REV3L: variants seen among roughly 807,000 people sequenced by gnomAD.
The protein encoded by REV3L is REV3 like, DNA directed polymerase zeta catalytic subunit, also known as DNA polymerase zeta catalytic subunit.
A neutral mutation model predicts 299.4 loss-of-function variants in REV3L; 69 were observed. That is an observed-to-expected ratio of 0.23 (90% CI 0.19 to 0.28). The LOEUF (loss-of-function observed/expected upper bound fraction) is 0.28. REV3L is among the 10% of genes least tolerant of loss of function. REV3L has a pLI of 1.00. For missense variants in REV3L, 3,128 were observed against 3,693.8 expected (o/e 0.85, Z 3.97); for synonymous variants, 1,238 against 1,271.4 (o/e 0.97, Z 0.56).
intron 1 of REV3L, among the ~76,000 whole-genome samples, chr6:111,426,706 G>A (rs1786227758): frequency 6.6e-6 from 1 of 152,164 alleles, no homozygotes; most frequent in Admixed American, 6.5e-5. Flanking sequence ...AATTTAATCT[G>A]CAATTATTGT....
intron 1 of REV3L, among the ~76,000 whole-genome samples, chr6:111,454,988 T>C (rs1583054296): frequency 1.3e-5 from 2 of 152,224 alleles, no homozygotes; most frequent in Non-Finnish European, 1.5e-5. Flanking sequence ...TTTTAATGCA[T>C]GTGTAGGCAA....
chr6:111,333,560 C>T (rs1775602461), intron 22 of REV3L, among the ~76,000 whole-genome samples, 193 bp from the exon 23 acceptor site: 3 of 151,962 alleles, frequency 2.0e-5, no homozygotes, highest in Admixed American at 1.3e-4. Context: ...CTGCAACCTC[C>T]GCCTCCCAGG....
chr6:111,398,053 C>G (rs923035873), intron 4 of REV3L, among the ~76,000 whole-genome samples: 1 of 147,794 alleles, frequency 6.8e-6, no homozygotes, highest in Non-Finnish European at 1.5e-5. Context: ...GACTTCAACA[C>G]CCCACTCTCA....
At chr6:111,469,266 G>A (rs1352184082) in intron 1 of REV3L, among the ~76,000 whole-genome samples, 2 of 152,052 alleles carry the variant, frequency 1.3e-5, no homozygotes, top group Non-Finnish European at 2.9e-5. Flanking sequence ...GCACTTAATG[G>A]GTGCTCAATA....
chr6:111,404,415 TC>T (rs1783408993), intron 4 of REV3L, among the ~76,000 whole-genome samples: 2 of 152,224 alleles, frequency 1.3e-5, no homozygotes, highest in Admixed American at 6.5e-5. Context: ...TAATGTTGGT[TC>T]CCTGCCTGCT....
intron 14 of REV3L, among the ~76,000 whole-genome samples, chr6:111,366,764 GA>G (rs752922591): frequency 6.6e-6 from 1 of 152,128 alleles, no homozygotes; most frequent in African/African-American, 2.4e-5. Context: ...AAGGGGAGGA[GA>G]AAGAGTAGAA....
Position 111,419,310 on chromosome 6 carries a change from G to A in REV3L, c.140-2838C>T, listed in dbSNP as rs560780173. Among the ~76,000 whole-genome samples, 45 of 152,154 alleles carry A rather than the reference G, an allele frequency of 3.0e-4. 1 individual carries two copies. Among genetic ancestry groups the A allele is most frequent in the African/African-American group, 1.1e-3 (44 of 41,504 alleles). On this transcript the variant is annotated intron_variant, in intron 1 of 31. Transcript: ENST00000368802. ...ATATAAGAGAAAATGAAAGAAACAG[G>A]ATAAAATAAAAAACTCAAAAGTTAA...
intron 3 of REV3L, among the ~76,000 whole-genome samples, chr6:111,405,869 T>G (rs1024289500): frequency 6.6e-6 from 1 of 152,142 alleles, no homozygotes; most frequent in African/African-American, 2.4e-5. Flanking sequence ...TTAAACCAAT[T>G]TGATACTAAC....
chr6:111,454,125 T>C (rs1480854910), intron 1 of REV3L, among the ~76,000 whole-genome samples: 1 of 151,412 alleles, frequency 6.6e-6, no homozygotes, highest in Non-Finnish European at 1.5e-5. Flanking sequence ...TTTTTAATAA[T>C]AGAGACAGGG....
At chr6:111,355,336 G>A (rs554072795) in intron 18 of REV3L, among the ~76,000 whole-genome samples, 2 of 152,034 alleles carry the variant, frequency 1.3e-5, no homozygotes, top group Admixed American at 6.6e-5. Flanking sequence ...TACAGATTAG[G>A]AAAACAAAGC....
At chr6:111,439,905 T>C (rs1322291135) in intron 1 of REV3L, among the ~76,000 whole-genome samples, 1 of 152,134 alleles carries the variant, frequency 6.6e-6, no homozygotes, top group Non-Finnish European at 1.5e-5. Flanking sequence ...GTTGAAGAAA[T>C]TGGGCTATAC....
intron 30 of REV3L, among the ~76,000 whole-genome samples, chr6:111,308,479 A>G (rs1031627488): frequency 1.3e-4 from 20 of 152,228 alleles, no homozygotes; most frequent in African/African-American, 4.6e-4. Flanking sequence ...ACCAAAAATG[A>G]AAAACAGAAT....
At chr6:111,322,425 T>C in intron 26 of REV3L, 144 bp downstream of exon 26, 1 of 651,312 alleles carries the variant, frequency 1.5e-6, no homozygotes, top group East Asian at 2.6e-5. Flanking sequence ...GGATCTGTGT[T>C]AACTCTGATC....
chr6:111,470,642 C>A (rs1792085814), intron 1 of REV3L, among the ~76,000 whole-genome samples: 1 of 152,144 alleles, frequency 6.6e-6, no homozygotes. Context: ...TGTGAGACAT[C>A]ATAATTAATT....
chr6:111,325,306 A>G (rs1212132342), intron 25 of REV3L, among the ~76,000 whole-genome samples: 1 of 152,252 alleles, frequency 6.6e-6, no homozygotes, highest in Non-Finnish European at 1.5e-5. Context: ...ATTTAGTAGA[A>G]AACTGTCAAC....
chr6:111,310,138 G>GT (rs754076778), intron 29 of REV3L, 39 bp from the exon 30 acceptor site: 1 of 1,462,410 alleles, frequency 6.8e-7, no homozygotes, highest in Non-Finnish European at 9.1e-7. Flanking sequence ...CCCAAATACT[G>GT]TTATGGAAGC....
chr6:111,385,659 T>G (rs1033372357), intron 9 of REV3L, among the ~76,000 whole-genome samples: 1 of 152,118 alleles, frequency 6.6e-6, no homozygotes, highest in Non-Finnish European at 1.5e-5. Context: ...AGTTAACATT[T>G]TTTTTTGAAG....
chr6:111,330,864 A>G (rs77966686), intron 24 of REV3L: 55 of 458,654 alleles, frequency 1.2e-4, no homozygotes, highest in Non-Finnish European at 1.5e-4. Flanking sequence ...AATTTTCCAA[A>G]AAGAAACATA....
rs1300676317 is a variant in REV3L, at chr6:111,313,380, C to G, written c.8576G>C (p.Arg2859Thr). 8 of 1,613,072 alleles carry G rather than the reference C, an allele frequency of 5.0e-6. No homozygotes were observed. The highest frequency in any genetic ancestry group is 6.8e-6 in the Non-Finnish European group (8 of 1,179,694). ...AGAAACAGCAGGGCAGGAATCTCTT[C>G]TGACTGTTTCTATTCCTTTTGCATC... is the stretch of plus-strand genomic sequence containing the variant. ...VFDAKGIETV[R>T]RDSCPAVSKI... is the part of the protein sequence containing the mutation. Residue 2859 changes from arginine (R) to threonine (T), a missense_variant, in exon 28 of 32, where the codon AGA (arginine) becomes ACA (threonine). Physicochemically the swap from Arg to Thr is moderately conservative, Grantham distance 71 (BLOSUM62 -1). Transcript: ENST00000368802.
Sources: gnomAD v4.1 joint callset for allele counts (sites outside exome capture counted in the v4.1 genomes callset) on GRCh38, gnomAD v4.1.1 for gene constraint, MANE v1.5 for transcripts, NCBI Gene and HGNC (gene_info 2026-07-23, HGNC 2026-07-21) for gene names.